Variants in DMD observed in about 807,000 individuals in gnomAD.
The protein encoded by DMD is mutant dystrophin.
DMD carries 63 observed loss-of-function variants against 330.1 expected under a neutral mutation model. The ratio of observed to expected loss-of-function variants is 0.19; its 90% CI spans 0.16 to 0.24. DMD has a LOEUF of 0.24. Ranked by LOEUF, DMD falls within the 10% of genes least tolerant of loss-of-function variation. DMD has a pLI of 1.00. For synonymous variants in DMD, 1,223 were observed against 959.8 expected (o/e 1.27, Z -5.07); for missense variants, 3,344 against 2,684.1 (o/e 1.25, Z -5.43).
intron 57 of DMD, among the ~76,000 whole-genome samples, chrX:31,484,042 A>G (rs1476598201): frequency 1.8e-5 from 2 of 111,634 alleles, no homozygotes; most frequent in East Asian, 2.8e-4. Flanking sequence ...ATGGAAAGCC[A>G]ATTTTTCAGT....
chrX:32,507,547 C>A (rs2044750642), intron 18 of DMD, among the ~76,000 whole-genome samples: 1 of 110,982 alleles, frequency 9.0e-6, no homozygotes, highest in South Asian at 3.8e-4. Flanking sequence ...TCTTGTTAAC[C>A]ACATTGTTCC....
chrX:31,370,338 G>T (rs1376314437), intron 60 of DMD, among the ~76,000 whole-genome samples: 1 of 111,218 alleles, frequency 9.0e-6, no homozygotes, highest in Non-Finnish European at 1.9e-5. Flanking sequence ...TCTCAAAACC[G>T]AACTATAAAA....
At chrX:31,692,923 T>C (rs753436140) in intron 52 of DMD, among the ~76,000 whole-genome samples, 1 of 111,720 alleles carries the variant, frequency 9.0e-6, no homozygotes, top group African/African-American at 3.2e-5. Flanking sequence ...AAATTTATTT[T>C]ACAAGGCCAG....
intron 1 of DMD, among the ~76,000 whole-genome samples, chrX:33,027,089 T>A (rs1020871909): frequency 8.9e-6 from 1 of 112,420 alleles, no homozygotes; most frequent in East Asian, 2.8e-4. Flanking sequence ...CATCTGTGAA[T>A]AAATTATGTT....
At chrX:32,613,323 G>A (rs191753042) in intron 12 of DMD, among the ~76,000 whole-genome samples, 28 of 110,751 alleles carry the variant, frequency 2.5e-4, no homozygotes, top group Non-Finnish European at 5.1e-4. Context: ...TTGAGCAGGA[G>A]CCTATTTCAA....
intron 67 of DMD, among the ~76,000 whole-genome samples, chrX:31,195,561 C>A (rs1400642862): frequency 1.8e-5 from 2 of 111,243 alleles, no homozygotes; most frequent in Non-Finnish European, 3.8e-5. Context: ...TCCACTACTG[C>A]CTCCTACAAT....
intron 63 of DMD, among the ~76,000 whole-genome samples, chrX:31,251,615 G>C (rs1023475307): frequency 1.8e-5 from 2 of 112,220 alleles, no homozygotes; most frequent in Non-Finnish European, 3.8e-5. Context: ...TACTACCGTA[G>C]AGGGTACAGA....
intron 9 of DMD, among the ~76,000 whole-genome samples, chrX:32,676,421 A>G (rs1164657675): frequency 9.0e-6 from 1 of 111,316 alleles, no homozygotes; most frequent in African/African-American, 3.3e-5. Flanking sequence ...CATAGAAATA[A>G]GTAGTATTTT....
At chrX:33,185,329 T>C (rs1162229558) in intron 1 of DMD, among the ~76,000 whole-genome samples, 1 of 111,300 alleles carries the variant, frequency 9.0e-6, no homozygotes, top group East Asian at 2.8e-4. Context: ...AAATCTCATA[T>C]CTGCCACTTA....
At chrX:31,232,165 G>T (rs1210088284) in intron 63 of DMD, among the ~76,000 whole-genome samples, 8 of 104,638 alleles carry the variant, frequency 7.6e-5, no homozygotes, top group Non-Finnish European at 1.6e-4. Context: ...CAATATTGCT[G>T]AAATCTCAGA....
At chrX:32,412,398 C>G (rs779617558) in intron 29 of DMD, 11 of 141,004 alleles carry the variant, frequency 7.8e-5, no homozygotes, top group Non-Finnish European at 1.3e-4. Context: ...TTTTAGATAA[C>G]AGTCTGGTTA....
chrX:33,151,723 A>G (rs1476586787), intron 1 of DMD, among the ~76,000 whole-genome samples: 3 of 112,027 alleles, frequency 2.7e-5, no homozygotes, highest in African/African-American at 9.7e-5. Flanking sequence ...TATGCCAATC[A>G]TACCTCAATA....
intron 9 of DMD, among the ~76,000 whole-genome samples, chrX:32,666,834 A>G (rs1377014770): frequency 1.8e-5 from 2 of 108,711 alleles, no homozygotes; most frequent in East Asian, 2.9e-4. Context: ...CTCCAAAAAA[A>G]AAAAAACAGC....
intron 44 of DMD, among the ~76,000 whole-genome samples, chrX:32,126,635 A>G (rs1219272258): frequency 1.8e-5 from 2 of 112,063 alleles, no homozygotes; most frequent in African/African-American, 6.5e-5. Context: ...CTTCCTTAAT[A>G]GGGGAAGAGG....
intron 74 of DMD, among the ~76,000 whole-genome samples, chrX:31,162,356 T>TAAAAAAACAAAAAAA (rs2038922058): frequency 2.0e-5 from 1 of 50,606 alleles, no homozygotes; most frequent in Non-Finnish European, 3.7e-5. Flanking sequence ...ATGAAAAATC[T>TAAAAAAACAAAAAAA]AAAAAAAAAA....
At chrX:32,426,958 A>G (rs1349165441) in intron 29 of DMD, among the ~76,000 whole-genome samples, 1 of 111,554 alleles carries the variant, frequency 9.0e-6, no homozygotes, top group African/African-American at 3.3e-5. Flanking sequence ...ACTTGAGGAT[A>G]GAGAATGGGA....
chrX:32,236,873 ACTGT>A (rs776519119), intron 43 of DMD, among the ~76,000 whole-genome samples: 30 of 112,131 alleles, frequency 2.7e-4, no homozygotes, highest in East Asian at 1.4e-3. Flanking sequence ...TGTTCTGTGA[ACTGT>A]CTATTATTTT....
In DMD at chrX:31,252,872, C is replaced by T. The variant is rs762880203; in HGVS notation, c.9286+8083G>A. On this transcript the variant is annotated intron_variant, in intron 63 of 78. Coordinates refer to ENST00000357033, the MANE Select transcript of DMD (RefSeq NM_004006.3). ...ACTAAAAATACAAAAATTAGCTGAGCATGGTGGCGGGAGGCTGCTGAGGCA... is the reference window on the plus strand; with the variant it reads ...ACTAAAAATACAAAAATTAGCTGAGTATGGTGGCGGGAGGCTGCTGAGGCA... Among the ~76,000 whole-genome samples the T allele has an allele frequency of 3.6e-5, 4 of 111,242 alleles. No homozygotes were observed. In the South Asian group the frequency reaches 1.5e-3, roughly 43 times the overall value.
intron 48 of DMD, among the ~76,000 whole-genome samples, chrX:31,848,130 C>T (rs930273333): frequency 4.5e-5 from 5 of 111,737 alleles, no homozygotes; most frequent in African/African-American, 1.6e-4. Flanking sequence ...TTAATTATTT[C>T]TCCTCCTCTT....
Sources: allele counts gnomAD v4.1 joint callset (sites outside exome capture counted in the v4.1 genomes callset), GRCh38; gene constraint gnomAD v4.1.1; transcripts MANE v1.5; gene names NCBI Gene and HGNC (gene_info 2026-07-23, HGNC 2026-07-21).